The following HAUS7 variants were observed in gnomAD, a reference collection of about 807,000 sequenced individuals.
HAUS7 encodes HAUS augmin like complex subunit 7, also known as HAUS augmin-like complex subunit 7.
A neutral mutation model predicts 28.4 loss-of-function variants in HAUS7; 3 were observed. The ratio of observed to expected loss-of-function variants is 0.11; its 90% CI spans 0.05 to 0.27. The LOEUF (loss-of-function observed/expected upper bound fraction) is 0.27, where lower values mean the gene tolerates loss of function less well. Ranked by LOEUF, HAUS7 falls within the 10% of genes least tolerant of loss-of-function variation. The probability of loss-of-function intolerance (pLI) is 1.00; values close to 1 mark genes in which losing one functional copy is unlikely to be tolerated. For missense variants in HAUS7, 284 were observed against 297.3 expected, an observed-to-expected ratio of 0.96 and a Z score of 0.33; for synonymous variants, 165 against 132.1, an observed-to-expected ratio of 1.25 and a Z score of -1.71.
At chrX:153,466,163 G>A (rs1556984263) in intron 2 of HAUS7, among the ~76,000 whole-genome samples, 2 of 112,719 alleles carry the variant, frequency 1.8e-5, no homozygotes, top group African/African-American at 6.4e-5. Context: ...TGGGTTCTGC[G>A]CAAGCGGGGT....
chrX:153,484,004 A>G (rs1254610879), intron 1 of HAUS7, among the ~76,000 whole-genome samples: 1 of 112,263 alleles, frequency 8.9e-6, no homozygotes, highest in Non-Finnish European at 1.9e-5. Context: ...TTCAAACAAC[A>G]GAAATAACCT....
intron 1 of HAUS7, among the ~76,000 whole-genome samples, chrX:153,493,101 C>T (rs1451178650): frequency 8.9e-6 from 1 of 112,412 alleles, no homozygotes; most frequent in East Asian, 2.8e-4. Context: ...GGTCTATTCA[C>T]AGAACTGTGC....
At chrX:153,484,644 T>C (rs1355600095) in intron 1 of HAUS7, among the ~76,000 whole-genome samples, 2 of 112,845 alleles carry the variant, frequency 1.8e-5, no homozygotes, top group Admixed American at 1.9e-4. Flanking sequence ...CCTCCCGCCC[T>C]GCATCCTTGC....
rs782441822 is a variant in HAUS7, at chrX:153,455,705, T to C, written c.767A>G (p.Gln256Arg). 1 of 1,205,385 alleles carries C rather than the reference T, an allele frequency of 8.3e-7. No homozygotes were observed. The highest frequency in any genetic ancestry group is 1.7e-5 in the African/African-American group (1 of 57,779). The stretch of plus-strand genomic sequence containing the variant: ...GTCGGAAGTGACCAGACGCAGCTTC[T>C]GGTCTAGGGTGCTGATGTCGGCTGC... Reference protein sequence around the residue: ...AGAADISTLDQKLRLVTSDFH... With the variant: ...AGAADISTLDRKLRLVTSDFH... The change falls in exon 8 of 10, where the codon CAG becomes CGG. Residue 256 changes from glutamine (Q) to arginine (R), a missense_variant. Coordinates refer to ENST00000370211, the MANE Select transcript of HAUS7 (RefSeq NM_001385482.1).
chrX:153,476,718 G>A (rs184266473), intron 1 of HAUS7, among the ~76,000 whole-genome samples: 66 of 112,113 alleles, frequency 5.9e-4, no homozygotes, highest in African/African-American at 2.0e-3. Flanking sequence ...TGGCCAGTCC[G>A]TCCATGGCAG....
At chrX:153,484,154 C>T (rs909622353) in intron 1 of HAUS7, among the ~76,000 whole-genome samples, 2 of 111,930 alleles carry the variant, frequency 1.8e-5, no homozygotes, top group Non-Finnish European at 3.8e-5. Flanking sequence ...CTGCACGTGG[C>T]CGTCTCCCCT....
chrX:153,467,102 C>T (rs1476609559), intron 2 of HAUS7, among the ~76,000 whole-genome samples: 2 of 111,052 alleles, frequency 1.8e-5, no homozygotes, highest in African/African-American at 6.6e-5. Flanking sequence ...TGCGCCCCCT[C>T]CCACAAGAGC....
chrX:153,468,801 G>A (rs1488319269), intron 2 of HAUS7, among the ~76,000 whole-genome samples: 1 of 112,731 alleles, frequency 8.9e-6, no homozygotes, highest in Non-Finnish European at 1.9e-5. Context: ...TGGCTTCCGG[G>A]TCTGAGAAGG....
upstream of HAUS7, among the ~76,000 whole-genome samples, chrX:153,474,995 C>A (rs1363048287): frequency 9.2e-6 from 1 of 109,165 alleles, no homozygotes; most frequent in African/African-American, 3.3e-5. Context: ...CGTGCCCGCT[C>A]GGAGGGCCGG....
At chrX:153,492,743 C>T (rs2089679218) in intron 1 of HAUS7, among the ~76,000 whole-genome samples, 1 of 111,552 alleles carries the variant, frequency 9.0e-6, no homozygotes, top group South Asian at 3.8e-4. Flanking sequence ...CCCCCCCGCA[C>T]GTGTGCTCTT....
chrX:153,459,433 G>A (rs1556982930), intron 4 of HAUS7, among the ~76,000 whole-genome samples: 1 of 111,401 alleles, frequency 9.0e-6, no homozygotes, highest in Admixed American at 9.5e-5. Context: ...TTCTTTTGTC[G>A]CTTATGTTTT....
At chrX:153,490,398 C>T (rs193018186) in intron 1 of HAUS7, among the ~76,000 whole-genome samples, 2 of 113,013 alleles carry the variant, frequency 1.8e-5, no homozygotes, top group Non-Finnish European at 3.8e-5. Context: ...TCACCAGCCA[C>T]ACCTCGGCCA....
At chrX:153,469,091 C>T in intron 2 of HAUS7, 55 bp downstream of exon 2, 1 of 673,046 alleles carries the variant, frequency 1.5e-6, no homozygotes. Context: ...CCAGGTGGGG[C>T]TGGCTGGCGC....
chrX:153,461,281 C>G (rs1232591713), intron 4 of HAUS7, among the ~76,000 whole-genome samples: 1 of 111,898 alleles, frequency 8.9e-6, no homozygotes, highest in Non-Finnish European at 1.9e-5. Context: ...ACCACGGACT[C>G]TCAACCACAG....
At position 153,464,755 on chromosome X, in the gene HAUS7, G is replaced by A. The variant is rs184925988; in HGVS notation, c.292+233C>T. 2.8e-4 allele frequency among the ~76,000 whole-genome samples: 31 copies of A among 112,234 alleles called. 1 individual carries two copies. In the East Asian group the frequency reaches 7.3e-3, roughly 26 times the overall value. On this transcript the variant is annotated intron_variant, in intron 3 of 9. Coordinates refer to ENST00000370211, the MANE Select transcript of HAUS7 (RefSeq NM_001385482.1). Reference sequence around the variant, plus strand: ...GGGAGACGGAACCACTGCTGGCATCGGCAAAAATCTCTGTCTCTGGCCACC... The same window carrying A: ...GGGAGACGGAACCACTGCTGGCATCAGCAAAAATCTCTGTCTCTGGCCACC...
chrX:153,459,644 T>G (rs2089361999), intron 4 of HAUS7, among the ~76,000 whole-genome samples: 1 of 111,817 alleles, frequency 8.9e-6, no homozygotes. Context: ...CCGCCTGCAT[T>G]ACAGCCGGGG....
chrX:153,454,580 T>G, intron 8 of HAUS7, 72 bp from the exon 9 acceptor site: 1 of 606,055 alleles, frequency 1.7e-6, no homozygotes. Flanking sequence ...TGGTCTCACG[T>G]AGCGACGGCA....
chrX:153,482,761 G>A (rs2089608917), intron 1 of HAUS7: 4 of 754,886 alleles, frequency 5.3e-6, no homozygotes, highest in Non-Finnish European at 3.1e-6. Flanking sequence ...AACCAGCTGC[G>A]TGACAGGGAC....
At chrX:153,465,675 TG>T (rs1269109213) in intron 2 of HAUS7, among the ~76,000 whole-genome samples, 5 of 112,325 alleles carry the variant, frequency 4.5e-5, no homozygotes, top group Non-Finnish European at 7.5e-5. Context: ...AGCCATCTGG[TG>T]GGCAAAACCA....
Sources: allele counts gnomAD v4.1 joint callset (sites outside exome capture counted in the v4.1 genomes callset), GRCh38; gene constraint gnomAD v4.1.1; transcripts MANE v1.5; gene names NCBI Gene and HGNC (gene_info 2026-07-23, HGNC 2026-07-21).